PTPN4: variants seen among roughly 807,000 people sequenced by gnomAD.
PTPN4 encodes protein tyrosine phosphatase non-receptor type 4.
In PTPN4, 49 loss-of-function variants were observed where a neutral mutation model predicts 135.5. That is an observed-to-expected ratio of 0.36 (90% CI 0.29 to 0.46). The LOEUF is 0.46. PTPN4 is among the 20% of genes least tolerant of loss of function. The probability of loss-of-function intolerance (pLI) is 1.00; values close to 1 mark genes in which losing one functional copy is unlikely to be tolerated. For synonymous variants in PTPN4, 333 were observed against 369.9 expected, an observed-to-expected ratio of 0.90 and a Z score of 1.14; for missense variants, 860 against 1,101.0, an observed-to-expected ratio of 0.78 and a Z score of 3.10.
intron 5 of PTPN4, 53 bp from the exon 6 acceptor site, chr2:119,881,733 G>A: frequency 7.8e-7 from 1 of 1,280,348 alleles, no homozygotes; most frequent in Non-Finnish European, 1.1e-6. Context: ...TCTTAGAATT[G>A]AAATTGTTAC....
At chr2:119,885,750 G>T in intron 8 of PTPN4, 45 bp from the exon 9 acceptor site, 3 of 1,297,280 alleles carry the variant, frequency 2.3e-6, no homozygotes, top group South Asian at 2.8e-5. Context: ...ATATTTATTT[G>T]ATTGATTGAT....
chr2:119,854,165 G>T (rs772301132), intron 2 of PTPN4, among the ~76,000 whole-genome samples: 1 of 152,114 alleles, frequency 6.6e-6, no homozygotes, highest in Non-Finnish European at 1.5e-5. Context: ...ATATGCAAAT[G>T]CAGGTCTCCA....
At chr2:119,919,191 G>C (rs1678702519) in intron 11 of PTPN4, among the ~76,000 whole-genome samples, 1 of 152,148 alleles carries the variant, frequency 6.6e-6, no homozygotes, top group South Asian at 2.1e-4. Context: ...GCAATTATGG[G>C]ATGTGAATGT....
intron 1 of PTPN4, among the ~76,000 whole-genome samples, chr2:119,786,692 C>T (rs1053147903): frequency 2.6e-5 from 4 of 152,150 alleles, no homozygotes; most frequent in African/African-American, 9.7e-5. Context: ...GAAGTCACTG[C>T]GTCATTTCTG....
chr2:119,904,869 A>G (rs1198295227), intron 10 of PTPN4, among the ~76,000 whole-genome samples: 1 of 152,226 alleles, frequency 6.6e-6, no homozygotes, highest in Non-Finnish European at 1.5e-5. Context: ...ATTCATCACC[A>G]CTAGATGGAT....
chr2:119,925,271 C>T (rs1375389889), intron 12 of PTPN4, among the ~76,000 whole-genome samples: 3 of 152,150 alleles, frequency 2.0e-5, no homozygotes, highest in Non-Finnish European at 4.4e-5. Context: ...CTTCTAAAAG[C>T]AGAACCTAAG....
At chr2:119,880,800 C>G (rs1227534814) in intron 5 of PTPN4, among the ~76,000 whole-genome samples, 2 of 151,974 alleles carry the variant, frequency 1.3e-5, no homozygotes, top group African/African-American at 2.4e-5. Flanking sequence ...CTAAGCCTCA[C>G]AAGAAGTTAT....
At chr2:119,933,382 T>A (rs1436227445) in intron 14 of PTPN4, among the ~76,000 whole-genome samples, 2 of 152,142 alleles carry the variant, frequency 1.3e-5, no homozygotes, top group Non-Finnish European at 2.9e-5. Context: ...TAAATTTGTA[T>A]AAAATTCTAA....
chr2:119,873,168 G>A (rs769683000), intron 3 of PTPN4, among the ~76,000 whole-genome samples: 1 of 151,158 alleles, frequency 6.6e-6, no homozygotes, highest in Non-Finnish European at 1.5e-5. Flanking sequence ...ATTTTTTCTG[G>A]GTTTTTTTTT....
At chr2:119,908,847 A>G (rs1192260977) in intron 10 of PTPN4, among the ~76,000 whole-genome samples, 2 of 152,198 alleles carry the variant, frequency 1.3e-5, no homozygotes, top group African/African-American at 2.4e-5. Context: ...GTACTACTCC[A>G]TTGAACACCC....
chr2:119,972,308 G>T (rs1186251659), intron 26 of PTPN4, among the ~76,000 whole-genome samples: 2 of 152,046 alleles, frequency 1.3e-5, no homozygotes, highest in Non-Finnish European at 2.9e-5. Context: ...TGTTTATTTA[G>T]GTATTCTTTA....
chr2:119,945,276 G>T, intron 16 of PTPN4, 36 bp downstream of exon 16: 3 of 1,477,416 alleles, frequency 2.0e-6, no homozygotes, highest in South Asian at 2.8e-5. Context: ...ATTTTTATTT[G>T]AATTTTTAAA....
chr2:119,957,137 G>A, intron 22 of PTPN4, 60 bp downstream of exon 22: 1 of 1,462,002 alleles, frequency 6.8e-7, no homozygotes, highest in Non-Finnish European at 9.3e-7. Flanking sequence ...TATGAACTTT[G>A]AGGTTCTTTT....
intron 2 of PTPN4, among the ~76,000 whole-genome samples, chr2:119,811,288 A>G (rs1199215689): frequency 4.6e-5 from 7 of 152,210 alleles, no homozygotes; most frequent in African/African-American, 1.4e-4. Flanking sequence ...TCTGTGTATT[A>G]CTATATAGCA....
At position 119,945,948 on chromosome 2, in the gene PTPN4, T is replaced by C. The variant is rs180900677; in HGVS notation, c.1516-393T>C. Among the ~76,000 whole-genome samples, 7 of 152,278 alleles carry C rather than the reference T, an allele frequency of 4.6e-5. No homozygotes were observed. The East Asian group carries it at 7.7e-4, about 17-fold the overall frequency. Reference sequence around the variant, plus strand: ...GAATTATATCTCAATAAAGCTGTTTTTTAAAATCACATATATCAAGCAGTG... The same window carrying C: ...GAATTATATCTCAATAAAGCTGTTTCTTAAAATCACATATATCAAGCAGTG... On this transcript the variant is annotated intron_variant, in intron 16 of 26. Coordinates refer to ENST00000263708, the MANE Select transcript of PTPN4 (RefSeq NM_002830.4).
intron 3 of PTPN4, among the ~76,000 whole-genome samples, chr2:119,866,422 A>G (rs1248248329): frequency 1.3e-5 from 2 of 152,010 alleles, no homozygotes; most frequent in African/African-American, 4.8e-5. Context: ...GTGGTTTTCA[A>G]ACTGGAGCTT....
intron 26 of PTPN4, among the ~76,000 whole-genome samples, chr2:119,972,944 A>G (rs1268664269): frequency 1.3e-5 from 2 of 152,004 alleles, no homozygotes; most frequent in African/African-American, 2.4e-5. Context: ...GCCTGATTTG[A>G]TTTGCTAGCA....
chr2:119,810,629 T>C (rs1691559677), intron 2 of PTPN4, among the ~76,000 whole-genome samples: 1 of 152,216 alleles, frequency 6.6e-6, no homozygotes, highest in African/African-American at 2.4e-5. Context: ...TTTGGGCTCT[T>C]ACAAATAATA....
In PTPN4 at chr2:119,885,843, T is replaced by C. The variant is rs1441102942; in HGVS notation, c.636T>C (p.Arg212=). The change falls in exon 9 of 27, where the codon CGT becomes CGC. Residue 212 remains arginine, a synonymous_variant. Transcript: ENST00000263708. ...AATTTAATTACCTAAACACAGCACG[T>C]ACCTTAGAACTCTATGGAGTTGAAT... is the stretch of plus-strand genomic sequence containing the variant. ...EAEFNYLNTA[R]TLELYGVEFH... 1 of 1,606,204 alleles carries C rather than the reference T, an allele frequency of 6.2e-7. No homozygotes were observed. Among genetic ancestry groups the C allele is most frequent in the Non-Finnish European group, 8.5e-7 (1 of 1,177,292 alleles).
Sources: allele counts gnomAD v4.1 joint callset (sites outside exome capture counted in the v4.1 genomes callset), GRCh38; gene constraint gnomAD v4.1.1; transcripts MANE v1.5; gene names NCBI Gene and HGNC (gene_info 2026-07-23, HGNC 2026-07-21).